Variants in BMP7 observed in about 807,000 individuals in gnomAD.
BMP7 encodes osteogenic protein 1.
In BMP7, 12 loss-of-function variants were observed where a neutral mutation model predicts 41.2. The observed-to-expected ratio is 0.29, with a 90% CI of 0.19 to 0.47. BMP7 has a LOEUF of 0.47. Among genes scored for constraint, BMP7 ranks in the 20% least tolerant of loss-of-function variants. The probability of loss-of-function intolerance (pLI) is 0.99; values close to 1 mark genes in which losing one functional copy is unlikely to be tolerated. For missense variants in BMP7, 467 were observed against 606.0 expected (o/e 0.77, Z 2.41); for synonymous variants, 248 against 250.0 (o/e 0.99, Z 0.07).
chr20:57,220,640 G>A (rs1304051216), intron 2 of BMP7, among the ~76,000 whole-genome samples: 4 of 152,150 alleles, frequency 2.6e-5, no homozygotes, highest in African/African-American at 9.7e-5. Flanking sequence ...CCGCACACAC[G>A]CTGATGTCTC....
intron 6 of BMP7, among the ~76,000 whole-genome samples, chr20:57,172,026 GA>G: frequency 6.6e-6 from 1 of 152,232 alleles, no homozygotes; most frequent in Non-Finnish European, 1.5e-5. Flanking sequence ...AATCCCTGGA[GA>G]ATTCACTTTG....
chr20:57,249,464 T>C (rs1327855062), intron 1 of BMP7, among the ~76,000 whole-genome samples: 1 of 152,082 alleles, frequency 6.6e-6, no homozygotes, highest in Admixed American at 6.5e-5. Context: ...AATTCAAAGG[T>C]AATTCCCACT....
chr20:57,188,046 T>TA (rs1568707893), intron 3 of BMP7, among the ~76,000 whole-genome samples: 1 of 152,242 alleles, frequency 6.6e-6, no homozygotes, highest in South Asian at 2.1e-4. Context: ...TGGCAATTCC[T>TA]AAAAAAAGTT....
At chr20:57,211,827 G>A (rs1600625672) in intron 2 of BMP7, among the ~76,000 whole-genome samples, 2 of 152,154 alleles carry the variant, frequency 1.3e-5, no homozygotes, top group East Asian at 3.8e-4. Context: ...CAGAAAAGAT[G>A]CAGCCCTATG....
At chr20:57,182,425 C>A (rs1033624375) in intron 4 of BMP7, among the ~76,000 whole-genome samples, 2 of 152,256 alleles carry the variant, frequency 1.3e-5, no homozygotes, top group African/African-American at 4.8e-5. Context: ...CCAGCCACAG[C>A]CCCAGTGCCC....
intron 3 of BMP7, among the ~76,000 whole-genome samples, chr20:57,194,831 C>T (rs2017883600): frequency 6.6e-6 from 1 of 152,208 alleles, no homozygotes; most frequent in South Asian, 2.1e-4. Flanking sequence ...GAGATGGAGT[C>T]CACACCCTGG....
At chr20:57,204,724 C>T (rs1984693854) in intron 2 of BMP7, among the ~76,000 whole-genome samples, 1 of 152,242 alleles carries the variant, frequency 6.6e-6, no homozygotes, top group South Asian at 2.1e-4. Context: ...GGACGCATCA[C>T]CAGGACCACA....
intron 4 of BMP7, 68 bp downstream of exon 4, chr20:57,183,654 T>TGCCGGGTCCC: frequency 1.9e-6 from 3 of 1,599,230 alleles, no homozygotes; most frequent in Non-Finnish European, 2.6e-6. Flanking sequence ...GTCAGTCTCC[T>TGCCGGGTCCC]GCCGGGTCCC....
intron 6 of BMP7, among the ~76,000 whole-genome samples, chr20:57,172,304 G>A (rs937073529): frequency 2.3e-4 from 35 of 152,230 alleles, no homozygotes; most frequent in African/African-American, 8.2e-4. Flanking sequence ...TTGAGGAGGG[G>A]AGCAAGGGCT....
rs112836603 is a variant in BMP7 at position 57,229,337 on chromosome 20, G to C, written c.419-916C>G. ...CTAACAGCACTAAAAGGAGTGAATG[G>C]CAGAGTTGGGGTGGAGGTTGAACGT... is the stretch of plus-strand genomic sequence containing the variant. On this transcript the variant is annotated intron_variant, in intron 1 of 6. Transcript: ENST00000395863. 3.1e-3 allele frequency among the ~76,000 whole-genome samples: 472 copies of C among 152,336 alleles called. 5 individuals carry two copies. In the South Asian group the frequency reaches 0.034, roughly 11 times the overall value.
At chr20:57,201,602 G>T (rs1378089749) in intron 3 of BMP7, among the ~76,000 whole-genome samples, 1 of 152,228 alleles carries the variant, frequency 6.6e-6, no homozygotes, top group Non-Finnish European at 1.5e-5. Flanking sequence ...CACATGTATT[G>T]TTCATAGCTC....
chr20:57,224,705 C>G lies in BMP7; in HGVS notation c.611+3524G>C, dbSNP rs940006277. 6.6e-6 allele frequency: 1 copy of G among 152,340 alleles called. No homozygotes were observed. The highest frequency in any genetic ancestry group is 1.5e-5 in the Non-Finnish European group (1 of 68,112). 9.4% of individuals were successfully genotyped at this position (152,340 alleles called of 1,614,324 possible). ...GGATAAGACTCCGATCCTTTCGCAGCCCCCTCTCACCCCAGCAAGGCCTCT... is the reference window on the plus strand; with the variant it reads ...GGATAAGACTCCGATCCTTTCGCAGGCCCCTCTCACCCCAGCAAGGCCTCT... On this transcript the variant is annotated intron_variant, in intron 2 of 6. Coordinates refer to ENST00000395863, the MANE Select transcript of BMP7 (RefSeq NM_001719.3). This position sits in a 1 kb window ranked among gnomAD's most constrained non-coding sequence, Gnocchi z 4.8.
At chr20:57,234,525 A>C (rs1328938097) in intron 1 of BMP7, among the ~76,000 whole-genome samples, 1 of 152,212 alleles carries the variant, frequency 6.6e-6, no homozygotes, top group Non-Finnish European at 1.5e-5. Flanking sequence ...TGCTTCAAAG[A>C]AGTCCCCTTT....
chr20:57,216,613 G>A (rs1194945690), intron 2 of BMP7, among the ~76,000 whole-genome samples: 5 of 148,428 alleles, frequency 3.4e-5, no homozygotes, highest in Admixed American at 3.3e-4. Context: ...TCCTGAGGGT[G>A]AGGGACTGTC....
At chr20:57,221,865 T>G (rs1985197949) in intron 2 of BMP7, among the ~76,000 whole-genome samples, 2 of 149,210 alleles carry the variant, frequency 1.3e-5, no homozygotes, top group Non-Finnish European at 3.0e-5. Context: ...GGTGTCTCCA[T>G]GGGGGGTTGT....
chr20:57,243,142 A>G (rs2123131751), intron 1 of BMP7, among the ~76,000 whole-genome samples: 1 of 152,350 alleles, frequency 6.6e-6, no homozygotes, highest in East Asian at 1.9e-4. Flanking sequence ...GCAGGGGGCC[A>G]CTGCAAATGA....
chr20:57,193,121 T>C (rs1447928727), intron 3 of BMP7, among the ~76,000 whole-genome samples: 1 of 152,194 alleles, frequency 6.6e-6, no homozygotes, highest in Non-Finnish European at 1.5e-5. Context: ...AGTTTTTAAG[T>C]TACCATACAG....
At chr20:57,255,246 C>A (rs1448032365) in intron 1 of BMP7, among the ~76,000 whole-genome samples, 1 of 152,230 alleles carries the variant, frequency 6.6e-6, no homozygotes, top group African/African-American at 2.4e-5. Context: ...ATCTGCCCCA[C>A]ACTTCCTAGC....
At chr20:57,187,401 C>T (rs913075614) in intron 3 of BMP7, among the ~76,000 whole-genome samples, 1 of 152,126 alleles carries the variant, frequency 6.6e-6, no homozygotes, top group African/African-American at 2.4e-5. Flanking sequence ...AGAGGTGGGG[C>T]CTGTGGTTTA....
Sources: allele counts gnomAD v4.1 joint callset (sites outside exome capture counted in the v4.1 genomes callset), GRCh38; gene constraint gnomAD v4.1.1; non-coding constraint Gnocchi (gnomAD v3.1); transcripts MANE v1.5; gene names NCBI Gene and HGNC (gene_info 2026-07-23, HGNC 2026-07-21).